The following OR3A2 variants were observed in gnomAD, a reference collection of about 807,000 sequenced individuals.
OR3A2 encodes the protein olfactory receptor family 3 subfamily A member 2, also known as olfactory receptor 3A2.
For synonymous variants in OR3A2, 126 were observed against 159.3 expected, an observed-to-expected ratio of 0.79 and a Z score of 1.57; for missense variants, 318 against 392.8, an observed-to-expected ratio of 0.81 and a Z score of 1.61.
intron 3 of OR3A2, among the ~76,000 whole-genome samples, chr17:3,290,432 C>T (rs73977620): frequency 0.019 from 2,907 of 152,226 alleles, 102 homozygotes; most frequent in African/African-American, 0.066. Flanking sequence ...ATTTTCCTAC[C>T]AACTCTCCTC....
intron 1 of OR3A2, 33 bp downstream of exon 4, chr17:3,279,043 C>T (rs956484492): frequency 1.1e-5 from 16 of 1,494,964 alleles, no homozygotes; most frequent in Admixed American, 4.4e-5. Context: ...ATCCCTCACT[C>T]GTTGACCTCC....
intron 2 of OR3A2, among the ~76,000 whole-genome samples, chr17:3,359,390 T>A (rs758156279): frequency 6.6e-6 from 1 of 151,772 alleles, no homozygotes; most frequent in South Asian, 2.1e-4. Context: ...TGTTTAAGTA[T>A]GTTTTTGTAT....
In OR3A2 at chr17:3,311,219, C is replaced by A. The variant is rs777019098; in HGVS notation, c.-85+24814G>T. On this transcript the variant is annotated intron_variant, in intron 3 of 4. Transcript: ENST00000573491. This position sits in a 1 kb window ranked among gnomAD's most constrained non-coding sequence, Gnocchi z 4.6. The stretch of plus-strand genomic sequence containing the variant: ...CATCTCTGCTGGACGTCGGGTGCAT[C>A]AGTCACTGTTCCTCCGATGCTGGCG... 1.9e-6 allele frequency: 1 copy of A among 536,466 alleles called. No individual in the cohort carries two copies. Among genetic ancestry groups the A allele is most frequent in the Non-Finnish European group, 3.8e-6 (1 of 261,338 alleles). 33.2% of individuals were successfully genotyped at this position (536,466 alleles called of 1,614,324 possible). A position where few individuals can be genotyped will look rare whatever the true frequency, so the allele number is the denominator to read the frequency against.
At chr17:3,282,816 C>A (rs2048785574) in intron 1 of OR3A2, among the ~76,000 whole-genome samples, 1 of 152,200 alleles carries the variant, frequency 6.6e-6, no homozygotes, top group Middle Eastern at 3.2e-3. Flanking sequence ...TCCATTTTAA[C>A]AGAAGCATTG....
At chr17:3,380,844 T>G (rs1350973385) in intron 2 of OR3A2, among the ~76,000 whole-genome samples, 1 of 152,010 alleles carries the variant, frequency 6.6e-6, no homozygotes, top group Non-Finnish European at 1.5e-5. Flanking sequence ...CACTCTCCAC[T>G]CTGTTGAGGC....
chr17:3,373,406 A>T (rs2049650501), intron 2 of OR3A2, among the ~76,000 whole-genome samples: 1 of 152,172 alleles, frequency 6.6e-6, no homozygotes, highest in Admixed American at 6.5e-5. Flanking sequence ...GTCCCCTACT[A>T]TTACTGTATT....
At chr17:3,279,015 G>T (rs2014057) in intron 1 of OR3A2, 61 bp downstream of exon 4, 902,804 of 1,544,454 alleles carry the variant, frequency 0.58, 271,391 homozygotes, top group East Asian at 0.96. Context: ...TCAAAGCCCC[G>T]TGGCGAGTCC....
chr17:3,368,885 G>A (rs570406943), intron 2 of OR3A2, among the ~76,000 whole-genome samples: 11 of 152,180 alleles, frequency 7.2e-5, no homozygotes, highest in African/African-American at 2.4e-4. Context: ...ATATGTTTCC[G>A]TTTCTTTGTG....
intron 3 of OR3A2, chr17:3,310,583 C>A (rs139602609): frequency 1.9e-6 from 1 of 537,644 alleles, no homozygotes; most frequent in South Asian, 1.4e-5. Context: ...TCATATCCAA[C>A]GACAGAAGCA....
At chr17:3,376,811 CT>C (rs2049688893) in intron 2 of OR3A2, among the ~76,000 whole-genome samples, 1 of 151,850 alleles carries the variant, frequency 6.6e-6, no homozygotes, top group Non-Finnish European at 1.5e-5. Flanking sequence ...TCCCCCAATT[CT>C]GCTGGCTGCC....
chr17:3,319,538 C>G (rs1187769264), intron 3 of OR3A2, among the ~76,000 whole-genome samples: 1 of 152,060 alleles, frequency 6.6e-6, no homozygotes, highest in South Asian at 2.1e-4. Flanking sequence ...CCCACCACCC[C>G]ACAACAGTCC....
chr17:3,381,100 G>A (rs977575386), intron 2 of OR3A2, among the ~76,000 whole-genome samples: 11 of 152,056 alleles, frequency 7.2e-5, no homozygotes, highest in African/African-American at 2.4e-4. Flanking sequence ...AAGGGACTGA[G>A]TGTTTGTATG....
chr17:3,322,674 G>A (rs547298676), intron 3 of OR3A2, among the ~76,000 whole-genome samples: 1 of 152,266 alleles, frequency 6.6e-6, no homozygotes, highest in East Asian at 1.9e-4. Flanking sequence ...CCATATGGTT[G>A]AGTGGTTTTG....
intron 3 of OR3A2, among the ~76,000 whole-genome samples, chr17:3,326,021 A>T (rs140863438): frequency 6.6e-6 from 1 of 152,048 alleles, no homozygotes; most frequent in Non-Finnish European, 1.5e-5. Context: ...TCTCCCGCTT[A>T]TAAGTGAGAA....
At chr17:3,307,377 C>T (rs2049007320) in intron 3 of OR3A2, among the ~76,000 whole-genome samples, 1 of 152,228 alleles carries the variant, frequency 6.6e-6, no homozygotes, top group African/African-American at 2.4e-5. Context: ...CCCAATCCAT[C>T]CTAATTCTCT....
chr17:3,345,238 G>T lies in OR3A2; in HGVS notation c.-178-9112C>A, dbSNP rs547344197. Among the ~76,000 whole-genome samples, 25 of 152,252 alleles carry T rather than the reference G, an allele frequency of 1.6e-4. 1 individual carries two copies. The South Asian group carries it at 5.2e-3, about 32-fold the overall frequency. On this transcript the variant is annotated intron_variant, in intron 2 of 4. Coordinates refer to the OR3A2 transcript ENST00000573491. ...GGAGCTAAGAGGAACAAATACAAGA[G>T]AAAAGACATTCATCTACTAATAGAG...
chr17:3,324,953 G>C (rs2049158225), intron 3 of OR3A2, among the ~76,000 whole-genome samples: 1 of 152,002 alleles, frequency 6.6e-6, no homozygotes. Flanking sequence ...TGATGTTTTT[G>C]ACATACAGAC....
chr17:3,325,865 G>T (rs933697070), intron 3 of OR3A2, among the ~76,000 whole-genome samples: 2 of 152,020 alleles, frequency 1.3e-5, no homozygotes, highest in Admixed American at 6.6e-5. Flanking sequence ...TGCCATGGTG[G>T]GTTGCTGCAC....
chr17:3,352,178 A>G (rs1350098103), intron 2 of OR3A2, among the ~76,000 whole-genome samples: 1 of 151,952 alleles, frequency 6.6e-6, no homozygotes, highest in Middle Eastern at 3.2e-3. Flanking sequence ...GGTAGTTTGC[A>G]AATATTTTCT....
Sources: allele counts gnomAD v4.1 joint callset (sites outside exome capture counted in the v4.1 genomes callset), GRCh38; gene constraint gnomAD v4.1.1; non-coding constraint Gnocchi (gnomAD v3.1); transcripts MANE v1.5; gene names NCBI Gene and HGNC (gene_info 2026-07-23, HGNC 2026-07-21).